The following EDRF1 variants were observed in gnomAD, a reference collection of about 807,000 sequenced individuals.
The protein encoded by EDRF1 is erythroid differentiation-related factor 1.
A neutral mutation model predicts 148.7 loss-of-function variants in EDRF1; 69 were observed. The ratio of observed to expected loss-of-function variants is 0.46; its 90% CI spans 0.38 to 0.57. EDRF1 has a LOEUF of 0.57. Among genes scored for constraint, EDRF1 ranks in the 20% least tolerant of loss-of-function variants. The probability of loss-of-function intolerance (pLI) is 0.00; values close to 1 mark genes in which losing one functional copy is unlikely to be tolerated. For missense variants in EDRF1, 1,118 were observed against 1,478.7 expected, an observed-to-expected ratio of 0.76 and a Z score of 4.00; for synonymous variants, 515 against 532.8, an observed-to-expected ratio of 0.97 and a Z score of 0.46.
chr10:125,747,922 A>G lies in EDRF1; in HGVS notation c.3033A>G (p.Ser1011=). 1 of 1,614,202 alleles carries G rather than the reference A, an allele frequency of 6.2e-7. No individual in the cohort carries two copies. The highest frequency in any genetic ancestry group is 8.5e-7 in the Non-Finnish European group (1 of 1,180,010). Residue 1011 remains serine, a synonymous_variant, in exon 21 of 25, where the codon TCA becomes TCG. Coordinates refer to ENST00000356792, the MANE Select transcript of EDRF1 (RefSeq NM_001202438.2). The stretch of plus-strand genomic sequence containing the variant: ...CCCTAAAATACTGCGATGTGGATTC[A>G]GTGTCTGCTCGACAGCCCCTTTGTC... ...MKSLKYCDVD[S]VSARQPLCQY...
intron 13 of EDRF1, among the ~76,000 whole-genome samples, chr10:125,737,213 A>G (rs138190846): frequency 2.0e-4 from 30 of 152,346 alleles, no homozygotes; most frequent in East Asian, 1.2e-3. Context: ...GGTAATAATT[A>G]AAGATGTAAT....
chr10:125,722,984 A>T, intron 2 of EDRF1, 84 bp from the exon 3 acceptor site: 1 of 1,079,558 alleles, frequency 9.3e-7, no homozygotes, highest in Admixed American at 1.7e-5. Context: ...CCTAGAAGCA[A>T]TGAGCTACAG....
chr10:125,719,963 A>G (rs755489280), intron 1 of EDRF1, 48 bp downstream of exon 1: 3 of 1,524,066 alleles, frequency 2.0e-6, no homozygotes, highest in South Asian at 1.1e-5. Flanking sequence ...GGAGCGGAGG[A>G]CCCGCTCCAC....
intron 18 of EDRF1, among the ~76,000 whole-genome samples, 193 bp downstream of exon 18, chr10:125,743,469 G>A (rs1469036271): frequency 2.0e-5 from 3 of 152,190 alleles, no homozygotes; most frequent in Non-Finnish European, 4.4e-5. Context: ...TTATTTCAAT[G>A]TTCTTCATTC....
intron 17 of EDRF1, 46 bp downstream of exon 17, chr10:125,741,247 G>A: frequency 6.6e-7 from 1 of 1,511,496 alleles, no homozygotes; most frequent in South Asian, 1.1e-5. Flanking sequence ...GGACTGTGCA[G>A]TCTAGCTCAT....
chr10:125,734,047 A>G lies in EDRF1; in HGVS notation c.1386-25A>G, dbSNP rs1412994952. 4 of 1,569,206 alleles carry G rather than the reference A, an allele frequency of 2.5e-6. No individual in the cohort carries two copies. The African/African-American group carries it at 4.1e-5, about 16-fold the overall frequency. On this transcript the variant is annotated intron_variant, in intron 11 of 24. Coordinates refer to ENST00000356792, the MANE Select transcript of EDRF1 (RefSeq NM_001202438.2). ...GCAGACAACGATGAAATGGGCAGTA[A>G]AGTTGATATAAACTCTTTTTTTAGG...
At position 125,723,090 on chromosome 10, in the gene EDRF1, A is replaced by G; in HGVS notation, c.340A>G (p.Ile114Val). ...TAGCTTTGGCATGGCATATGACTTT[A>G]TTGATTCAGTGGGAAATGATGTGGA... is the stretch of plus-strand genomic sequence containing the variant. The part of the protein sequence containing the change: ...FSSFGMAYDF[I>V]DSVGNDVDVV... Residue 114 changes from isoleucine to valine, a missense_variant, in exon 3 of 25, where the codon ATT (isoleucine) becomes GTT (valine). Around this residue, in one of 3 missense-constraint regions of EDRF1, gnomAD observed 99 missense variants for 186.9 expected, o/e 0.53. Coordinates refer to ENST00000356792, the MANE Select transcript of EDRF1 (RefSeq NM_001202438.2). 1 of 1,613,812 alleles carries G rather than the reference A, an allele frequency of 6.2e-7. No individual in the cohort carries two copies. The highest frequency in any genetic ancestry group is 8.5e-7 in the Non-Finnish European group (1 of 1,179,804).
chr10:125,734,630 C>G (rs986309619), intron 12 of EDRF1, among the ~76,000 whole-genome samples: 4 of 151,954 alleles, frequency 2.6e-5, no homozygotes, highest in Non-Finnish European at 4.4e-5. Flanking sequence ...ACCTTGTTAC[C>G]ACTTTGTTAA....
At chr10:125,727,245 A>G (rs1393497039) in intron 6 of EDRF1, among the ~76,000 whole-genome samples, 1 of 152,204 alleles carries the variant, frequency 6.6e-6, no homozygotes, top group East Asian at 1.9e-4. Context: ...CAGTCAGATC[A>G]TCGTAGTAGT....
At position 125,747,936 on chromosome 10, in the gene EDRF1, A is replaced by G; in HGVS notation, c.3047A>G (p.Gln1016Arg). The G allele has an allele frequency of 6.2e-7, 1 of 1,614,216 alleles. No individual in the cohort carries two copies. Among genetic ancestry groups the G allele is most frequent in the Non-Finnish European group, 8.5e-7 (1 of 1,180,036 alleles). ...GATGTGGATTCAGTGTCTGCTCGAC[A>G]GCCCCTTTGTCAGTATCGAGCTGCA... The part of the protein sequence containing the change: ...YCDVDSVSAR[Q>R]PLCQYRAATI... The change falls in exon 21 of 25, where the codon CAG (glutamine) becomes CGG (arginine). Residue 1016 changes from glutamine (Q) to arginine (R), a missense_variant. Around this residue, in one of 3 missense-constraint regions of EDRF1, gnomAD observed 954 missense variants for 1,241.4 expected, o/e 0.77. Coordinates refer to ENST00000356792, the MANE Select transcript of EDRF1 (RefSeq NM_001202438.2).
At chr10:125,722,562 A>C (rs1848059682) in intron 2 of EDRF1, among the ~76,000 whole-genome samples, 1 of 151,150 alleles carries the variant, frequency 6.6e-6, no homozygotes, top group Non-Finnish European at 1.5e-5. Flanking sequence ...CTCAATTAAC[A>C]TTTTTTTTTA....
chr10:125,748,592 C>CA lies in EDRF1; in HGVS notation c.3123+580_3123+581insA, dbSNP rs550625023. On this transcript the variant is annotated intron_variant, in intron 21 of 24. Coordinates refer to ENST00000356792, the MANE Select transcript of EDRF1 (RefSeq NM_001202438.2). The stretch of plus-strand genomic sequence containing the variant: ...TTTTTTGTTTGTTTTGTTGATTTTC[C>CA]CCCCCCGTAAGGTAAGACTACTTAC... 2.0e-4 allele frequency: 33 copies of CA among 166,894 alleles called. 1 individual carries two copies. In the South Asian group the frequency reaches 4.8e-3, roughly 24 times the overall value. 10.3% of individuals were successfully genotyped at this position (166,894 alleles called of 1,614,324 possible).
rs367722371 is a variant in EDRF1, at chr10:125,745,941, C to T, written c.2814+11C>T. On this transcript the variant is annotated intron_variant, in intron 19 of 24. Transcript: ENST00000356792. ...TTGTATTATAATAAGGTAACACATT[C>T]GCGTACATGTTGGGCCTCACCCATT... 10 of 1,612,482 alleles carry T rather than the reference C, an allele frequency of 6.2e-6. No homozygotes were observed. The highest frequency in any genetic ancestry group is 1.7e-5 in the Admixed American group (1 of 59,998).
intron 18 of EDRF1, 107 bp downstream of exon 18, chr10:125,743,383 G>T: frequency 1.1e-6 from 1 of 879,646 alleles, no homozygotes; most frequent in South Asian, 1.4e-5. Context: ...ATATCATAAA[G>T]AGGTGCTCTA....
chr10:125,758,130 CT>C (rs1850004217), intron 24 of EDRF1, among the ~76,000 whole-genome samples: 1 of 152,148 alleles, frequency 6.6e-6, no homozygotes, highest in Non-Finnish European at 1.5e-5. Flanking sequence ...TACAGTTGAA[CT>C]TTTTGAAGGC....
At chr10:125,743,790 A>G (rs569372401) in intron 18 of EDRF1, among the ~76,000 whole-genome samples, 2 of 152,306 alleles carry the variant, frequency 1.3e-5, no homozygotes, top group South Asian at 4.1e-4. Flanking sequence ...ACTCCAGACC[A>G]AGGAGGCGGT....
chr10:125,752,995 A>G (rs1348183565), intron 23 of EDRF1, 81 bp downstream of exon 23: 12 of 967,376 alleles, frequency 1.2e-5, no homozygotes, highest in Non-Finnish European at 1.7e-5. Flanking sequence ...GTGTGTGTGT[A>G]TGTGTGTGGG....
At chr10:125,746,042 T>C in intron 19 of EDRF1, 112 bp downstream of exon 19, 5 of 924,046 alleles carry the variant, frequency 5.4e-6, no homozygotes, top group Non-Finnish European at 8.6e-6. Context: ...ACTCTGCTAA[T>C]GATACAACAC....
chr10:125,744,034 TA>T (rs1041924972), intron 18 of EDRF1, among the ~76,000 whole-genome samples: 7 of 152,122 alleles, frequency 4.6e-5, no homozygotes, highest in Non-Finnish European at 8.8e-5. Flanking sequence ...TGAAGTGTGC[TA>T]AGAGCTGTAG....
Sources: allele counts gnomAD v4.1 joint callset (sites outside exome capture counted in the v4.1 genomes callset), GRCh38; gene constraint gnomAD v4.1.1; regional missense constraint gnomAD v4.1.1; transcripts MANE v1.5; gene names NCBI Gene and HGNC (gene_info 2026-07-23, HGNC 2026-07-21).